Variants in PDE6G observed in about 807,000 individuals in gnomAD.
PDE6G encodes the protein phosphodiesterase 6G.
In PDE6G, 10 loss-of-function variants were observed where a neutral mutation model predicts 10.9. That is an observed-to-expected ratio of 0.91 (90% CI 0.56 to 1.55). The LOEUF (loss-of-function observed/expected upper bound fraction) is 1.55. PDE6G is among the 40% of genes most tolerant of loss of function. PDE6G has a pLI of 0.00. For missense variants in PDE6G, 102 were observed against 110.1 expected (o/e 0.93, Z 0.33); for synonymous variants, 41 against 42.8 (o/e 0.96, Z 0.16).
intron 2 of PDE6G, among the ~76,000 whole-genome samples, chr17:81,652,886 C>T (rs1177936966): frequency 1.5e-5 from 1 of 68,206 alleles, no homozygotes; most frequent in African/African-American, 7.0e-5. Context: ...CTCAGCCTCC[C>T]AAAGCGCTGA....
upstream of PDE6G, among the ~76,000 whole-genome samples, chr17:81,660,734 C>T (rs565775675): frequency 4.4e-3 from 664 of 152,204 alleles, 10 homozygotes; most frequent in African/African-American, 0.012. Context: ...TCAAGTGATC[C>T]GCCCGTCTCA....
rs2036346497 is a variant in PDE6G at position 81,651,166 on chromosome 17, G to A, written c.188-16C>T. The A allele has an allele frequency of 6.2e-7, 1 of 1,601,632 alleles. No individual in the cohort carries two copies. The highest frequency in any genetic ancestry group is 8.6e-7 in the Non-Finnish European group (1 of 1,168,772). ...ACTGTGATGTCTGTGGGAGAAACGG[G>A]CCACGGATCAGAGAGGATCCCACGG... On this transcript the variant is annotated splice_polypyrimidine_tract_variant and intron_variant, in intron 3 of 3. Transcript: ENST00000331056. The surrounding 1 kb of genome is among the most constrained non-coding windows in gnomAD (Gnocchi z 4.8).
chr17:81,656,643 C>A, upstream of PDE6G: 3 of 706,778 alleles, frequency 4.2e-6, no homozygotes, highest in Non-Finnish European at 7.8e-6. Context: ...AGGGGGGGCA[C>A]AACCACCAAG....
chr17:81,651,258 G>C lies in PDE6G; in HGVS notation c.188-108C>G, dbSNP rs1284047435. 3.6e-6 allele frequency: 3 copies of C among 822,164 alleles called. No homozygotes were observed. The highest frequency in any genetic ancestry group is 6.2e-6 in the Non-Finnish European group (3 of 483,578). 50.9% of individuals were successfully genotyped at this position (822,164 alleles called of 1,614,324 possible). A position where few individuals can be genotyped will look rare whatever the true frequency, so the allele number is the denominator to read the frequency against. On this transcript the variant is annotated intron_variant, in intron 3 of 3. Transcript: ENST00000331056. The surrounding 1 kb of genome is among the most constrained non-coding windows in gnomAD (Gnocchi z 4.8). ...CCCAGGTGTAGCCCTACAGTGTGCT[G>C]AGCGGGGACGTGCGGACGCTGGAGT...
Position 81,650,496 on chromosome 17 carries a change from G to A in PDE6G, c.*578C>T, listed in dbSNP as rs1286700013. 2.2e-6 allele frequency: 1 copy of A among 453,356 alleles called. No homozygotes were observed. The highest frequency in any genetic ancestry group is 1.6e-5 in the South Asian group (1 of 64,468). 28.1% of individuals were successfully genotyped at this position (453,356 alleles called of 1,614,324 possible). A position where few individuals can be genotyped will look rare whatever the true frequency, so the allele number is the denominator to read the frequency against. ...CTAATTTTATTTTGAAATAGGGACT[G>A]CAAGGGCAGGCTGTATTGAGAAGGA... On this transcript the variant is annotated 3_prime_UTR_variant, in exon 4 of 4. Transcript: ENST00000331056.
At position 81,650,620 on chromosome 17, in the gene PDE6G, G is replaced by GA; in HGVS notation, c.*453dup. The GA allele has an allele frequency of 2.2e-6, 1 of 454,644 alleles. No homozygotes were observed. Among genetic ancestry groups the GA allele is most frequent in the South Asian group, 1.6e-5 (1 of 64,480 alleles). The allele number at this position is 454,644 out of a possible 1,614,324, so 28.2% of individuals were successfully genotyped here. Reference sequence around the variant, plus strand: ...GTCCAAACTAAGGGCACCCCCCTGGGAAGGGATGCAGAGACGGGGAGCTTC... The same window carrying GA: ...GTCCAAACTAAGGGCACCCCCCTGGGAAAGGGATGCAGAGACGGGGAGCTTC... On this transcript the variant is annotated 3_prime_UTR_variant, in exon 4 of 4. Transcript: ENST00000331056.
chr17:81,662,142 T>C (rs1373198557), intron 1 of PDE6G, among the ~76,000 whole-genome samples: 2 of 152,114 alleles, frequency 1.3e-5, no homozygotes, highest in African/African-American at 2.4e-5. Context: ...GATTGATGTA[T>C]TATGTCTCCC....
chr17:81,663,110 G>A (rs1368000269), exon 1 of PDE6G: 1 of 152,196 alleles, frequency 6.6e-6, no homozygotes, highest in African/African-American at 2.4e-5. Flanking sequence ...CCAGCAGAGA[G>A]GAATTCATTC....
chr17:81,656,818 C>A, upstream of PDE6G: 1 of 592,944 alleles, frequency 1.7e-6, no homozygotes. Context: ...CTGTCTTGGG[C>A]CTCCCTACTG....
At chr17:81,655,816 T>C (rs2036438614) in intron 1 of PDE6G, among the ~76,000 whole-genome samples, 1 of 151,976 alleles carries the variant, frequency 6.6e-6, no homozygotes, top group South Asian at 2.1e-4. Flanking sequence ...ACCAGCTGTT[T>C]GCCGAGCTTC....
Position 81,653,322 on chromosome 17 carries a change from A to G in PDE6G, c.-17T>C, listed in dbSNP as rs1278542352. On this transcript the variant is annotated 5_prime_UTR_variant, in exon 2 of 4. Coordinates refer to ENST00000331056, the MANE Select transcript of PDE6G (RefSeq NM_002602.4). The surrounding 1 kb of genome is among the most constrained non-coding windows in gnomAD (Gnocchi z 5.2). ...CAGGTTCATGGTGAGGCTGACGGAG[A>G]CACCGCGGCAACCTTGGCTCCTGGA... 1.2e-6 allele frequency: 2 copies of G among 1,610,644 alleles called. No homozygotes were observed. The highest frequency in any genetic ancestry group is 1.7e-5 in the Admixed American group (1 of 59,992).
At chr17:81,657,775 G>C (rs1474319206), upstream of PDE6G, among the ~76,000 whole-genome samples, 11 of 152,030 alleles carry the variant, frequency 7.2e-5, no homozygotes, top group Non-Finnish European at 1.5e-5. Flanking sequence ...CAGCTACTTG[G>C]GAGGCTGAGG....
rs746844739 is a variant in PDE6G at position 81,653,145 on chromosome 17, C to G, written c.146+15G>C. The G allele has an allele frequency of 6.2e-7, 1 of 1,614,002 alleles. No individual in the cohort carries two copies. ...CTCCTCCCTTTCAGAGGCCCCATCC[C>G]CCAGCTCTGCTTACCCTTGAACGCC... On this transcript the variant is annotated intron_variant, in intron 2 of 3. Coordinates refer to ENST00000331056, the MANE Select transcript of PDE6G (RefSeq NM_002602.4). The surrounding 1 kb of genome is among the most constrained non-coding windows in gnomAD (Gnocchi z 5.2).
At position 81,651,958 on chromosome 17, in the gene PDE6G, TG is replaced by T. The variant is rs2036363009; in HGVS notation, c.147-274del. Among the ~76,000 whole-genome samples the T allele has an allele frequency of 6.6e-6, 1 of 152,112 alleles. No individual in the cohort carries two copies. The highest frequency in any genetic ancestry group is 1.5e-5 in the Non-Finnish European group (1 of 67,996). On this transcript the variant is annotated intron_variant, in intron 2 of 3. Coordinates refer to ENST00000331056, the MANE Select transcript of PDE6G (RefSeq NM_002602.4). The surrounding 1 kb of genome is among the most constrained non-coding windows in gnomAD (Gnocchi z 4.8). The stretch of plus-strand genomic sequence containing the variant: ...CAGGATGCTGGGCAGGTGCGTGCCC[TG>T]GGGGAGTACGGGGGGGTGCGTGGTT...
At chr17:81,656,400 G>A (rs1368874449) in intron 1 of PDE6G, 93 bp downstream of exon 1, 6 of 691,498 alleles carry the variant, frequency 8.7e-6, no homozygotes, top group Admixed American at 2.0e-5. Context: ...AAGCCTGTCA[G>A]CTCCCTCTGC....
rs1438546847 is a variant in PDE6G, at chr17:81,651,215, T to C, written c.188-65A>G. The C allele has an allele frequency of 1.6e-6, 2 of 1,237,418 alleles. No individual in the cohort carries two copies. The highest frequency in any genetic ancestry group is 2.4e-6 in the Non-Finnish European group (2 of 841,140). The allele number at this position is 1,237,418 out of a possible 1,614,324, so 76.7% of individuals were successfully genotyped here. A position where few individuals can be genotyped will look rare whatever the true frequency, so the allele number is the denominator to read the frequency against. ...GGCCTAGGGACCCCCCCATCCCCTG[T>C]GGCCCTGTTTCCCACAGCCCAGGTG... On this transcript the variant is annotated intron_variant, in intron 3 of 3. Transcript: ENST00000331056. The surrounding 1 kb of genome is among the most constrained non-coding windows in gnomAD (Gnocchi z 4.8).
rs769264977 is a variant in PDE6G, at chr17:81,651,012, G to A, written c.*62C>T. On this transcript the variant is annotated 3_prime_UTR_variant, in exon 4 of 4. Transcript: ENST00000331056. The surrounding 1 kb of genome is among the most constrained non-coding windows in gnomAD (Gnocchi z 4.8). The stretch of plus-strand genomic sequence containing the variant: ...GAGGCATCTCCTCAACAGGAATCCT[G>A]AGCAGGGTTTAGAGCACAGTGGGCA... The A allele has an allele frequency of 7.1e-6, 9 of 1,259,430 alleles. No homozygotes were observed. The highest frequency in any genetic ancestry group is 7.0e-5 in the East Asian group (3 of 43,162). The allele number at this position is 1,259,430 out of a possible 1,614,324, so 78.0% of individuals were successfully genotyped here.
chr17:81,651,520 TG>T lies in PDE6G; in HGVS notation c.187+124del. ...TTGGGGGAAGAAGTGATGGACAGGC[TG>T]GGGGTCCCTAAGTGAAAAGCAGGGG... On this transcript the variant is annotated intron_variant, in intron 3 of 3. Transcript: ENST00000331056. This position sits in a 1 kb window ranked among gnomAD's most constrained non-coding sequence, Gnocchi z 4.8. 1.3e-6 allele frequency: 1 copy of T among 780,546 alleles called. No homozygotes were observed. The allele number at this position is 780,546 out of a possible 1,614,324, so 48.4% of individuals were successfully genotyped here.
upstream of PDE6G, chr17:81,656,975 A>G: frequency 3.7e-6 from 1 of 270,788 alleles, no homozygotes. Flanking sequence ...GAAACCAAAC[A>G]AGGACCCCCC....
Sources: gnomAD v4.1 joint callset for allele counts (sites outside exome capture counted in the v4.1 genomes callset) on GRCh38, gnomAD v4.1.1 for gene constraint, Gnocchi (gnomAD v3.1) non-coding constraint, MANE v1.5 for transcripts, NCBI Gene and HGNC (gene_info 2026-07-23, HGNC 2026-07-21) for gene names.